The following BST1 variants were observed in gnomAD, a reference collection of about 807,000 sequenced individuals.
BST1 encodes the protein ADP-ribosyl cyclase/cyclic ADP-ribose hydrolase 2.
BST1 carries 49 observed loss-of-function variants against 40.6 expected under a neutral mutation model. That is an observed-to-expected ratio of 1.21 (90% confidence interval 0.96 to 1.53). The LOEUF (loss-of-function observed/expected upper bound fraction) is 1.53, where lower values mean the gene tolerates loss of function less well. Ranked by LOEUF, BST1 falls within the 40% of genes most tolerant of loss-of-function variation. The probability of loss-of-function intolerance (pLI) is 0.00; values close to 1 mark genes in which losing one functional copy is unlikely to be tolerated. For missense variants in BST1, 423 were observed against 395.9 expected (o/e 1.07, Z -0.58); for synonymous variants, 157 against 159.3 (o/e 0.99, Z 0.11).
At chr4:15,757,897 C>T in the BST1 span, among the ~76,000 whole-genome samples, 1 of 152,088 alleles carries the variant, frequency 6.6e-6, no homozygotes, top group African/African-American at 2.4e-5. Flanking sequence ...CCTCCTCGGC[C>T]TCCCAAAGTG....
chr4:15,749,990 A>C, the BST1 span, among the ~76,000 whole-genome samples: 1 of 140,676 alleles, frequency 7.1e-6, no homozygotes, highest in African/African-American at 2.7e-5. Flanking sequence ...TCATCCCCTC[A>C]CTACCCTTCC....
downstream of BST1, among the ~76,000 whole-genome samples, chr4:15,736,662 G>A (rs1010338768): frequency 6.6e-6 from 1 of 151,216 alleles, no homozygotes; most frequent in Non-Finnish European, 1.5e-5. Flanking sequence ...CCCCTAAACT[G>A]CCTTACTAGG....
intron 3 of BST1, among the ~76,000 whole-genome samples, chr4:15,711,476 G>C (rs1720200594): frequency 6.6e-6 from 1 of 152,148 alleles, no homozygotes; most frequent in African/African-American, 2.4e-5. Flanking sequence ...GTTGTTGTTT[G>C]TGGGTTTTTA....
chr4:15,716,654 A>C (rs1328324891), intron 6 of BST1, among the ~76,000 whole-genome samples: 3 of 152,206 alleles, frequency 2.0e-5, no homozygotes, highest in East Asian at 1.9e-4. Flanking sequence ...CAAACTACTT[A>C]ATTACGTAAG....
chr4:15,768,587 G>A, the BST1 span, among the ~76,000 whole-genome samples: 212 of 149,358 alleles, frequency 1.4e-3, no homozygotes, highest in African/African-American at 4.9e-3. Flanking sequence ...TCCGCTTCCC[G>A]GGTTCACGCC....
At chr4:15,767,309 ATT>A in the BST1 span, among the ~76,000 whole-genome samples, 1 of 146,100 alleles carries the variant, frequency 6.8e-6, no homozygotes, top group African/African-American at 2.5e-5. Flanking sequence ...CTTTTTATCA[ATT>A]TTTTTTTTTT....
In BST1 at chr4:15,707,546, C is replaced by T. The variant is rs1299592646; in HGVS notation, c.351C>T (p.Asn117=). ...GGGAAAATAGCCACCTCCTTGTTAA[C>T]AGCTTTGCAGACAACACCCGTCGTT... ...LFWENSHLLV[N]SFADNTRRFM... is the part of the protein sequence containing the mutation. Residue 117 remains asparagine, a synonymous_variant, in exon 3 of 9, where the codon AAC becomes AAT. Coordinates refer to ENST00000265016, the MANE Select transcript of BST1 (RefSeq NM_004334.3). 1 of 1,609,786 alleles carries T rather than the reference C, an allele frequency of 6.2e-7. No homozygotes were observed. Among genetic ancestry groups the T allele is most frequent in the Admixed American group, 1.7e-5 (1 of 59,828 alleles).
intron 8 of BST1, among the ~76,000 whole-genome samples, chr4:15,726,128 C>T (rs1381307159): frequency 1.4e-5 from 2 of 137,954 alleles, no homozygotes; most frequent in Non-Finnish European, 3.0e-5. Context: ...CGCCAGCTAA[C>T]TTTTAAAGTT....
chr4:15,740,322 G>A (rs1338250475), downstream of BST1, among the ~76,000 whole-genome samples: 1 of 152,202 alleles, frequency 6.6e-6, no homozygotes, highest in Non-Finnish European at 1.5e-5. Flanking sequence ...TTCCCAAAGT[G>A]CTAGGATTAT....
chr4:15,760,548 C>T, the BST1 span, among the ~76,000 whole-genome samples: 78 of 151,680 alleles, frequency 5.1e-4, 3 homozygotes, highest in African/African-American at 1.8e-3. Flanking sequence ...GTTTGTTCAT[C>T]GCTGATCCAG....
chr4:15,773,836 C>T, the BST1 span, among the ~76,000 whole-genome samples: 1 of 151,964 alleles, frequency 6.6e-6, no homozygotes, highest in African/African-American at 2.4e-5. Flanking sequence ...AAACAAAAAC[C>T]AAAAACAAAA....
At chr4:15,725,947 C>T (rs1267187633) in intron 8 of BST1, among the ~76,000 whole-genome samples, 38 of 60,100 alleles carry the variant, frequency 6.3e-4, no homozygotes, top group African/African-American at 8.7e-4. Flanking sequence ...GAAGTGCGGT[C>T]TTTTTTTTTT....
the BST1 span, among the ~76,000 whole-genome samples, chr4:15,762,422 A>T: frequency 2.0e-5 from 3 of 151,882 alleles, no homozygotes; most frequent in Non-Finnish European, 4.4e-5. Context: ...ATTTTATTAC[A>T]TTTAAAGTTC....
the BST1 span, among the ~76,000 whole-genome samples, chr4:15,771,223 C>T: frequency 1.3e-5 from 2 of 152,062 alleles, no homozygotes; most frequent in Admixed American, 6.5e-5. Context: ...CCAATTAATC[C>T]GCACTTCAAG....
chr4:15,747,498 C>T, the BST1 span, among the ~76,000 whole-genome samples: 1 of 152,136 alleles, frequency 6.6e-6, no homozygotes, highest in Non-Finnish European at 1.5e-5. Context: ...TTCCGTGAAG[C>T]CAGTACCCCC....
intron 4 of BST1, among the ~76,000 whole-genome samples, chr4:15,713,843 A>G (rs1316561975): frequency 6.6e-6 from 1 of 151,984 alleles, no homozygotes; most frequent in African/African-American, 2.4e-5. Flanking sequence ...AGCTGGGACT[A>G]CAGGTGCGTG....
the BST1 span, among the ~76,000 whole-genome samples, chr4:15,750,638 GCTGTAAGTGTACAATGAA>G: frequency 2.0e-5 from 3 of 152,148 alleles, no homozygotes; most frequent in Non-Finnish European, 4.4e-5. Flanking sequence ...ACTAAGATGG[GCTGTAAGTGTACAATGAA>G]CACCATATTT....
downstream of BST1, among the ~76,000 whole-genome samples, chr4:15,739,643 G>A (rs1721690028): frequency 6.6e-6 from 1 of 151,512 alleles, no homozygotes; most frequent in African/African-American, 2.4e-5. Context: ...ACTTGTGCCA[G>A]CTGCACCTTC....
chr4:15,715,242 T>A (rs1720439601), intron 4 of BST1, 43 bp from the exon 5 acceptor site: 1 of 1,564,138 alleles, frequency 6.4e-7, no homozygotes, highest in African/African-American at 1.4e-5. Flanking sequence ...AGCAGAAAAA[T>A]GTCACGTCTT....
Sources: gnomAD v4.1 joint callset for allele counts (sites outside exome capture counted in the v4.1 genomes callset) on GRCh38, gnomAD v4.1.1 for gene constraint, MANE v1.5 for transcripts, NCBI Gene and HGNC (gene_info 2026-07-23, HGNC 2026-07-21) for gene names.